Variants in FOXP2 observed in about 807,000 individuals in gnomAD.
FOXP2 encodes the protein forkhead box protein P2.
Under a neutral mutation model 115.8 loss-of-function variants are expected in FOXP2, and 12 were observed. That is an observed-to-expected ratio of 0.10 (90% CI 0.07 to 0.17). The LOEUF is 0.17. Ranked by LOEUF, FOXP2 falls within the 10% of genes least tolerant of loss-of-function variation. The pLI is 1.00. For missense variants in FOXP2, 629 were observed against 843.5 expected, an observed-to-expected ratio of 0.75 and a Z score of 3.15; for synonymous variants, 328 against 297.7, an observed-to-expected ratio of 1.10 and a Z score of -1.05.
intron 2 of FOXP2, among the ~76,000 whole-genome samples, chr7:114,480,118 A>G (rs1796458767): frequency 6.6e-6 from 1 of 151,462 alleles, no homozygotes; most frequent in Non-Finnish European, 1.5e-5. Flanking sequence ...CATCTTTGTT[A>G]AACTTGAATT....
At chr7:114,491,218 T>A (rs1797035295) in intron 2 of FOXP2, among the ~76,000 whole-genome samples, 1 of 152,228 alleles carries the variant, frequency 6.6e-6, no homozygotes, top group Non-Finnish European at 1.5e-5. Context: ...TGAGATGGTA[T>A]CTCATTGTGG....
intron 2 of FOXP2, among the ~76,000 whole-genome samples, chr7:114,506,719 G>A (rs763945299): frequency 3.3e-5 from 5 of 151,644 alleles, no homozygotes; most frequent in Admixed American, 6.6e-5. Flanking sequence ...TAATTTAAAT[G>A]TATATAATAT....
Position 114,346,784 on chromosome 7 carries a change from T to C in FOXP2, c.-11+58675T>C, listed in dbSNP as rs1791359510. On this transcript the variant is annotated intron_variant, in intron 2 of 17. Transcript: ENST00000634411. ...AGAACAAAGGTTATCAGAGACTGGA[T>C]GGAGAGAGGGGAAGGGAGGGAAGGA... Among the ~76,000 whole-genome samples the C allele has an allele frequency of 2.6e-5, 4 of 151,332 alleles. No homozygotes were observed. The South Asian group carries it at 8.3e-4, about 32-fold the overall frequency.
At position 114,140,663 on chromosome 7, in the gene FOXP2, TA is replaced by T. The variant is rs1335253042; in HGVS notation, c.-246-22280del. Among the ~76,000 whole-genome samples, 7 of 152,354 alleles carry T rather than the reference TA, an allele frequency of 4.6e-5. No homozygotes were observed. The South Asian group carries it at 1.4e-3, about 32-fold the overall frequency. ...CAGTTAACATTCTAAATGCAGCCAC[TA>T]CTTCTGTGGTGGTGCCTCCAAACTT... On this transcript the variant is annotated intron_variant, in intron 1 of 19. Transcript: ENST00000635638.
chr7:114,686,511 A>C (rs892719906), intron 16 of FOXP2, among the ~76,000 whole-genome samples: 2 of 152,184 alleles, frequency 1.3e-5, no homozygotes, highest in African/African-American at 4.8e-5. Context: ...TCGGCTTTTT[A>C]GAGGCCACTA....
upstream of FOXP2, among the ~76,000 whole-genome samples, chr7:114,160,140 A>T (rs1792791525): frequency 6.6e-6 from 1 of 152,114 alleles, no homozygotes; most frequent in Non-Finnish European, 1.5e-5. Context: ...GTGAGGGAAA[A>T]ATTAGAGTAA....
At chr7:114,345,217 G>T (rs945344335) in intron 2 of FOXP2, among the ~76,000 whole-genome samples, 2 of 151,730 alleles carry the variant, frequency 1.3e-5, no homozygotes, top group Non-Finnish European at 3.0e-5. Flanking sequence ...AAGCAATAGT[G>T]AAATTGGATG....
chr7:114,666,822 T>C (rs551109072), intron 16 of FOXP2: 1 of 152,280 alleles, frequency 6.6e-6, no homozygotes, highest in South Asian at 2.1e-4. Context: ...CTCAGCTTTC[T>C]CAGCTGAAAA....
intron 2 of FOXP2, among the ~76,000 whole-genome samples, chr7:114,386,058 T>C (rs1792442163): frequency 1.3e-5 from 2 of 152,204 alleles, no homozygotes; most frequent in African/African-American, 2.4e-5. Flanking sequence ...TGGCAAGCCT[T>C]TAGCATGATC....
chr7:114,176,789 A>G (rs759296119), intron 1 of FOXP2, among the ~76,000 whole-genome samples: 1 of 151,678 alleles, frequency 6.6e-6, no homozygotes, highest in Admixed American at 6.6e-5. Context: ...ACCGGTGCCT[A>G]GCTCCAGTAA....
rs1178251786 is a variant in FOXP2 at position 114,692,277 on chromosome 7, C to G, written c.*2351C>G. On this transcript the variant is annotated 3_prime_UTR_variant, in exon 17 of 17. Coordinates refer to ENST00000350908, the MANE Select transcript of FOXP2 (RefSeq NM_014491.4). Reference sequence around the variant, plus strand: ...AAGTATGCATACCTCAGTTAGAAAACTTTTGAAAGGAAGTCTCAGCCACAG... The same window carrying G: ...AAGTATGCATACCTCAGTTAGAAAAGTTTTGAAAGGAAGTCTCAGCCACAG... The G allele has an allele frequency of 2.2e-6, 1 of 453,812 alleles. No individual in the cohort carries two copies. The highest frequency in any genetic ancestry group is 4.4e-6 in the Non-Finnish European group (1 of 226,726). The allele number at this position is 453,812 out of a possible 1,614,324, so 28.1% of individuals were successfully genotyped here.
chr7:114,162,482 T>A (rs2129150840), upstream of FOXP2, among the ~76,000 whole-genome samples: 1 of 152,294 alleles, frequency 6.6e-6, no homozygotes, highest in South Asian at 2.1e-4. Context: ...CATCTTTTTT[T>A]ATTATTCCAT....
At chr7:114,601,259 C>G (rs1371099681) in intron 3 of FOXP2, among the ~76,000 whole-genome samples, 1 of 152,158 alleles carries the variant, frequency 6.6e-6, no homozygotes, top group East Asian at 1.9e-4. Context: ...AGCCACCACA[C>G]TTGGCCTCTT....
At chr7:114,634,320 T>G (rs1183985055) in intron 6 of FOXP2, among the ~76,000 whole-genome samples, 2 of 152,112 alleles carry the variant, frequency 1.3e-5, no homozygotes, top group African/African-American at 4.8e-5. Context: ...ATTTTATTTG[T>G]CCCTATAATT....
At chr7:114,663,639 T>C in intron 15 of FOXP2, 120 bp downstream of exon 15, 1 of 784,518 alleles carries the variant, frequency 1.3e-6, no homozygotes, top group Admixed American at 2.2e-5. Context: ...ATCATCCAAG[T>C]TGTAGTACCT....
intron 2 of FOXP2, among the ~76,000 whole-genome samples, chr7:114,519,513 C>G (rs569327922): frequency 6.6e-6 from 1 of 152,266 alleles, no homozygotes; most frequent in East Asian, 1.9e-4. Flanking sequence ...AATAGCATGT[C>G]TTAGGATTCA....
intron 2 of FOXP2, among the ~76,000 whole-genome samples, chr7:114,301,958 A>G (rs1313442269): frequency 6.6e-6 from 1 of 152,154 alleles, no homozygotes; most frequent in East Asian, 1.9e-4. Context: ...TCACTATATG[A>G]CAACATTTGA....
chr7:114,402,086 C>G lies in FOXP2; in HGVS notation c.-10-24416C>G, dbSNP rs1304981526. ...GCAGTGAGCTGAGATCGTGCCACTG[C>G]ACTCCAGCCTATGCAACAGAGCAAG... On this transcript the variant is annotated intron_variant, in intron 2 of 17. Transcript: ENST00000634411. 7.2e-5 allele frequency among the ~76,000 whole-genome samples: 11 copies of G among 152,166 alleles called. No individual in the cohort carries two copies. In the East Asian group the frequency reaches 2.1e-3, roughly 29 times the overall value.
At position 114,654,264 on chromosome 7, in the gene FOXP2, G is replaced by A. The variant is rs139998356; in HGVS notation, c.1266+255G>A. The A allele has an allele frequency of 1.6e-4, 126 of 787,984 alleles. No individual in the cohort carries two copies. The East Asian group carries it at 4.2e-3, about 27-fold the overall frequency. 48.8% of individuals were successfully genotyped at this position (787,984 alleles called of 1,614,324 possible). ...ATCAGTGCACAAATCACTGCCTTGG[G>A]GCTGAAGCCAGAGAGAATTTCTTTC... On this transcript the variant is annotated intron_variant, in intron 10 of 16. Transcript: ENST00000350908.
Sources: allele counts gnomAD v4.1 joint callset (sites outside exome capture counted in the v4.1 genomes callset), GRCh38; gene constraint gnomAD v4.1.1; transcripts MANE v1.5; gene names NCBI Gene and HGNC (gene_info 2026-07-23, HGNC 2026-07-21).